The following KREMEN1 variants were observed in gnomAD, a reference collection of about 807,000 sequenced individuals.
KREMEN1 encodes kringle containing transmembrane protein 1.
Under a neutral mutation model 46.5 loss-of-function variants are expected in KREMEN1, and 30 were observed. The observed-to-expected ratio is 0.65, with a 90% CI of 0.48 to 0.88. KREMEN1 has a LOEUF of 0.88. Ranked by LOEUF, KREMEN1 falls within the 40% of genes least tolerant of loss-of-function variation. KREMEN1 has a pLI of 0.00. For synonymous variants in KREMEN1, 214 were observed against 230.6 expected (o/e 0.93, Z 0.65); for missense variants, 533 against 596.9 (o/e 0.89, Z 1.11).
chr22:29,076,900 T>C (rs1253421639), intron 1 of KREMEN1, among the ~76,000 whole-genome samples: 4 of 152,192 alleles, frequency 2.6e-5, no homozygotes, highest in South Asian at 4.1e-4. Context: ...AATGAGTCCC[T>C]TTATAAATCT....
At chr22:29,094,817 G>A (rs1408356377) in intron 2 of KREMEN1, among the ~76,000 whole-genome samples, 1 of 151,972 alleles carries the variant, frequency 6.6e-6, no homozygotes, top group Non-Finnish European at 1.5e-5. Flanking sequence ...TAGAGACAGG[G>A]TTTCAACCGT....
intron 3 of KREMEN1, among the ~76,000 whole-genome samples, chr22:29,120,682 A>G (rs566615778): frequency 1.3e-4 from 7 of 53,824 alleles, no homozygotes; most frequent in African/African-American, 5.3e-4. Flanking sequence ...GCCAAGGCAT[A>G]TGGGCAGCTG....
In KREMEN1 at chr22:29,140,271, T is replaced by C; in HGVS notation, c.1124-11T>C. 1 of 1,611,376 alleles carries C rather than the reference T, an allele frequency of 6.2e-7. No individual in the cohort carries two copies. Among genetic ancestry groups the C allele is most frequent in the Non-Finnish European group, 8.5e-7 (1 of 1,177,456 alleles). On this transcript the variant is annotated splice_polypyrimidine_tract_variant and intron_variant, in intron 7 of 8. Coordinates refer to ENST00000400335, the MANE Select transcript of KREMEN1 (RefSeq NM_001039570.3). ...AACAAGTCTGGTAAGCTCTGTCTTT[T>C]GCACTTGCAGGATGGACAGTCTATG...
At chr22:29,098,185 C>CAA (rs11366831) in intron 2 of KREMEN1, among the ~76,000 whole-genome samples, 6 of 134,238 alleles carry the variant, frequency 4.5e-5, no homozygotes, top group African/African-American at 1.6e-4. Flanking sequence ...GAGTTTGTCT[C>CAA]AAAAAAAAAA....
chr22:29,149,316 C>G (rs912875834), downstream of KREMEN1, among the ~76,000 whole-genome samples: 2 of 152,292 alleles, frequency 1.3e-5, no homozygotes, highest in East Asian at 3.9e-4. Context: ...GCACGTGCCA[C>G]CATGCCCAGC....
At chr22:29,161,400 G>C (rs1464894530) in intron 9 of KREMEN1, among the ~76,000 whole-genome samples, 1 of 149,750 alleles carries the variant, frequency 6.7e-6, no homozygotes, top group Non-Finnish European at 1.5e-5. Context: ...CCAACTACTT[G>C]GGAGGCTGAG....
intron 9 of KREMEN1, among the ~76,000 whole-genome samples, chr22:29,166,665 G>A (rs964378299): frequency 9.2e-5 from 14 of 152,146 alleles, no homozygotes; most frequent in Non-Finnish European, 2.1e-4. Flanking sequence ...CAGGCCAGGC[G>A]CGGTAGCTCA....
chr22:29,095,532 T>G (rs1293643017), intron 2 of KREMEN1, among the ~76,000 whole-genome samples: 2 of 152,204 alleles, frequency 1.3e-5, no homozygotes, highest in Non-Finnish European at 2.9e-5. Flanking sequence ...TTAGTACAGG[T>G]GCAAAGGCAG....
intron 5 of KREMEN1, among the ~76,000 whole-genome samples, chr22:29,131,663 TAC>T (rs1345038729): frequency 2.9e-5 from 3 of 102,498 alleles, no homozygotes; most frequent in South Asian, 3.4e-4. Flanking sequence ...TGTATATATA[TAC>T]ATGTATATAT....
chr22:29,100,162 ACTCACTGCAACGGCGCCATCTCGG>A (rs2037953315), intron 3 of KREMEN1, among the ~76,000 whole-genome samples: 1 of 148,548 alleles, frequency 6.7e-6, no homozygotes, highest in East Asian at 2.0e-4. Context: ...TGCCATCTCA[ACTCACTGCAACGGCGCCATCTCGG>A]CTCACTGCAA....
intron 3 of KREMEN1, among the ~76,000 whole-genome samples, chr22:29,120,338 G>A (rs2038321980): frequency 7.0e-6 from 1 of 143,110 alleles, no homozygotes; most frequent in African/African-American, 2.5e-5. Flanking sequence ...ATGGAAACAG[G>A]GAGGAGGGAG....
At chr22:29,131,820 C>A in intron 5 of KREMEN1, among the ~76,000 whole-genome samples, 1 of 140,844 alleles carries the variant, frequency 7.1e-6, no homozygotes, top group East Asian at 2.0e-4. Context: ...AATGGAATCA[C>A]AGTATTTAGC....
intron 5 of KREMEN1, among the ~76,000 whole-genome samples, chr22:29,133,287 T>C (rs1351063123): frequency 6.6e-6 from 1 of 151,508 alleles, no homozygotes; most frequent in East Asian, 1.9e-4. Flanking sequence ...ATTTTATCTT[T>C]GGTTTTGGTT....
At position 29,131,702 on chromosome 22, in the gene KREMEN1, ATATATATG is replaced by A. The variant is rs1229221897; in HGVS notation, c.632-5624_632-5617del. Among the ~76,000 whole-genome samples, 834 of 93,316 alleles carry A rather than the reference ATATATATG, an allele frequency of 8.9e-3. 23 individuals carry two copies. Among genetic ancestry groups the A allele is most frequent in the African/African-American group, 0.032 (765 of 23,680 alleles). 61.2% of individuals were successfully genotyped at this position (93,316 alleles called of 152,430 possible). ...TGCATATATACATGTATATATGTGT[ATATATATG>A]TATATATGTATATATATGTATATAT... On this transcript the variant is annotated intron_variant, in intron 5 of 8. Coordinates refer to ENST00000400335, the MANE Select transcript of KREMEN1 (RefSeq NM_001039570.3).
exon 10 of KREMEN1, chr22:29,167,234 C>A: frequency 1.3e-6 from 1 of 768,554 alleles, no homozygotes; most frequent in Non-Finnish European, 2.2e-6. Context: ...TGGTTCATGC[C>A]TGTAATACCA....
At chr22:29,101,770 C>CT (rs2037980017) in intron 3 of KREMEN1, among the ~76,000 whole-genome samples, 1 of 152,224 alleles carries the variant, frequency 6.6e-6, no homozygotes, top group African/African-American at 2.4e-5. Context: ...CCATTATAGA[C>CT]TAGGTGTGTA....
At chr22:29,136,214 G>T (rs868691530) in intron 5 of KREMEN1, among the ~76,000 whole-genome samples, 93 of 150,802 alleles carry the variant, frequency 6.2e-4, no homozygotes, top group African/African-American at 2.2e-3. Context: ...GAGCCACCGC[G>T]CCCGGACTGC....
At chr22:29,138,050 T>C (rs1032032352) in intron 6 of KREMEN1, among the ~76,000 whole-genome samples, 1 of 152,234 alleles carries the variant, frequency 6.6e-6, no homozygotes, top group Non-Finnish European at 1.5e-5. Flanking sequence ...TCCTAGCTAA[T>C]TCCAAAAGAC....
At chr22:29,111,070 G>C (rs768039261) in intron 3 of KREMEN1, among the ~76,000 whole-genome samples, 1 of 152,128 alleles carries the variant, frequency 6.6e-6, no homozygotes, top group African/African-American at 2.4e-5. Context: ...ACTTTGGGAG[G>C]CTGAGGCAGG....
Sources: allele counts gnomAD v4.1 joint callset (sites outside exome capture counted in the v4.1 genomes callset), GRCh38; gene constraint gnomAD v4.1.1; transcripts MANE v1.5; gene names NCBI Gene and HGNC (gene_info 2026-07-23, HGNC 2026-07-21).